The following CSMD1 variants were observed in gnomAD, a reference collection of about 807,000 sequenced individuals.
CSMD1 encodes CUB and sushi domain-containing protein 1.
A neutral mutation model predicts 417.5 loss-of-function variants in CSMD1; 213 were observed. The observed-to-expected ratio is 0.51, with a 90% CI of 0.46 to 0.57. The LOEUF is 0.57. Ranked by LOEUF, CSMD1 falls within the 20% of genes least tolerant of loss-of-function variation. The pLI is 0.00. For synonymous variants in CSMD1, 2,862 were observed against 1,736.8 expected (o/e 1.65, Z -16.11); for missense variants, 6,923 against 4,529.7 (o/e 1.53, Z -15.17).
chr8:4,900,929 A>T (rs1804828209), intron 1 of CSMD1, among the ~76,000 whole-genome samples: 1 of 152,238 alleles, frequency 6.6e-6, no homozygotes, highest in South Asian at 2.1e-4. Context: ...CTTGCATCCT[A>T]AGTGCCCAGC....
At chr8:4,007,909 A>C (rs1816251930) in intron 4 of CSMD1, among the ~76,000 whole-genome samples, 1 of 152,186 alleles carries the variant, frequency 6.6e-6, no homozygotes, top group African/African-American at 2.4e-5. Flanking sequence ...TGTTAAAAAA[A>C]AGTAGTCTAT....
Position 3,816,363 on chromosome 8 carries a change from G to C in CSMD1, c.819-62321C>G, listed in dbSNP as rs543609587. Among the ~76,000 whole-genome samples, 3 of 152,350 alleles carry C rather than the reference G, an allele frequency of 2.0e-5. No individual in the cohort carries two copies. In the South Asian group the frequency reaches 6.2e-4, roughly 32 times the overall value. On this transcript the variant is annotated intron_variant, in intron 5 of 69. Transcript: ENST00000635120. ...CACTGTCAGAAAATAAGTGAGCACA[G>C]CAGGAAAAGATATTCTGAGAGCAAG...
intron 50 of CSMD1, among the ~76,000 whole-genome samples, chr8:3,045,994 A>C (rs1299837217): frequency 1.3e-5 from 2 of 152,160 alleles, no homozygotes; most frequent in African/African-American, 4.8e-5. Context: ...GCACACAGGG[A>C]CTCACACACG....
At chr8:4,289,065 T>C (rs1181022766) in intron 3 of CSMD1, among the ~76,000 whole-genome samples, 3 of 152,144 alleles carry the variant, frequency 2.0e-5, no homozygotes. Context: ...AGTGCACATA[T>C]GGATGAAAAT....
chr8:3,324,889 T>C (rs866158936), intron 23 of CSMD1, among the ~76,000 whole-genome samples: 2 of 152,208 alleles, frequency 1.3e-5, no homozygotes, highest in African/African-American at 4.8e-5. Context: ...TATGTTTTCA[T>C]GTTCCTCGGT....
chr8:3,915,316 G>C (rs886737697), intron 5 of CSMD1, among the ~76,000 whole-genome samples: 3 of 144,280 alleles, frequency 2.1e-5, no homozygotes, highest in African/African-American at 7.7e-5. Context: ...TAAGGCAGGA[G>C]AATCATTTGA....
At chr8:4,905,819 C>CA (rs147276107) in intron 1 of CSMD1, among the ~76,000 whole-genome samples, 40,112 of 92,518 alleles carry the variant, frequency 0.43, 7,885 homozygotes, top group East Asian at 0.87. Context: ...GACTCCATCT[C>CA]AAAAAAAAAA....
At chr8:4,363,004 A>G (rs565369970) in intron 3 of CSMD1, among the ~76,000 whole-genome samples, 17 of 152,334 alleles carry the variant, frequency 1.1e-4, no homozygotes, top group Non-Finnish European at 1.6e-4. Context: ...CAGTCTTTGA[A>G]TAGATTTTGA....
chr8:2,965,985 GAA>G, intron 58 of CSMD1, 31 bp from the exon 59 acceptor site: 1 of 1,551,570 alleles, frequency 6.4e-7, no homozygotes, highest in Non-Finnish European at 8.8e-7. Flanking sequence ...AAGAATCAGA[GAA>G]ATTCATTTAC....
At chr8:4,195,773 C>T (rs1027846013) in intron 3 of CSMD1, among the ~76,000 whole-genome samples, 1 of 152,112 alleles carries the variant, frequency 6.6e-6, no homozygotes, top group African/African-American at 2.4e-5. Context: ...GTAGTGGATT[C>T]TGCACACAAC....
rs551665781 is a variant in CSMD1 at position 3,149,002 on chromosome 8, C to T, written c.6031+2395G>A. Among the ~76,000 whole-genome samples, 6 of 152,294 alleles carry T rather than the reference C, an allele frequency of 3.9e-5. No individual in the cohort carries two copies. In the South Asian group the frequency reaches 1.2e-3, roughly 32 times the overall value. ...AGTTTCTTTTCTCCTCTTCTAGATC[C>T]TCTTTAAACCCTCAGGCTATGCAAT... On this transcript the variant is annotated intron_variant, in intron 40 of 69. Coordinates refer to ENST00000635120, the MANE Select transcript of CSMD1 (RefSeq NM_033225.6).
chr8:4,864,558 T>C (rs1802314914), intron 1 of CSMD1, among the ~76,000 whole-genome samples: 1 of 151,732 alleles, frequency 6.6e-6, no homozygotes, highest in African/African-American at 2.4e-5. Flanking sequence ...ATCATAATTA[T>C]GTTTTGCCAG....
chr8:4,556,548 C>A (rs1459135061), intron 2 of CSMD1, among the ~76,000 whole-genome samples: 1 of 152,044 alleles, frequency 6.6e-6, no homozygotes, highest in East Asian at 1.9e-4. Flanking sequence ...CTCGGTACAA[C>A]AGAGAAAATA....
chr8:3,212,546 G>A (rs528505084), intron 30 of CSMD1, among the ~76,000 whole-genome samples: 47 of 152,006 alleles, frequency 3.1e-4, no homozygotes, highest in Non-Finnish European at 2.8e-4. Context: ...TAGAGATGGG[G>A]TTTTGTCATG....
chr8:4,965,125 T>G (rs967855464), intron 1 of CSMD1, among the ~76,000 whole-genome samples: 1 of 152,172 alleles, frequency 6.6e-6, no homozygotes, highest in African/African-American at 2.4e-5. Flanking sequence ...GCACATCTGT[T>G]CTGAAGATAC....
At position 3,097,184 on chromosome 8, in the gene CSMD1, C is replaced by G. The variant is rs375671825; in HGVS notation, c.6950-147G>C. ...CCAAATTTAATACCGAATGCAAACA[C>G]AGAGGGAGGGCAACATTGAATAATC... On this transcript the variant is annotated intron_variant, in intron 46 of 69. Transcript: ENST00000635120. 6 of 587,054 alleles carry G rather than the reference C, an allele frequency of 1.0e-5. No individual in the cohort carries two copies. The East Asian group carries it at 1.7e-4, about 17-fold the overall frequency. The allele number at this position is 587,054 out of a possible 1,614,324, so 36.4% of individuals were successfully genotyped here. A position where few individuals can be genotyped will look rare whatever the true frequency, so the allele number is the denominator to read the frequency against.
At chr8:3,735,198 A>G (rs1180937494) in intron 6 of CSMD1, among the ~76,000 whole-genome samples, 1 of 152,184 alleles carries the variant, frequency 6.6e-6, no homozygotes, top group Non-Finnish European at 1.5e-5. Flanking sequence ...GGTAACGGGC[A>G]AGTTGCCCCT....
At chr8:3,965,117 A>T (rs1197921044) in intron 5 of CSMD1, among the ~76,000 whole-genome samples, 1 of 152,180 alleles carries the variant, frequency 6.6e-6, no homozygotes, top group Non-Finnish European at 1.5e-5. Context: ...TCAGGCTATT[A>T]TTATTGTAAT....
intron 1 of CSMD1, among the ~76,000 whole-genome samples, chr8:4,676,883 TAGAG>T (rs971971207): frequency 5.3e-5 from 8 of 150,098 alleles, no homozygotes; most frequent in African/African-American, 2.0e-4. Context: ...ATTTTATATA[TAGAG>T]AGAGATTTTA....
Sources: allele counts gnomAD v4.1 joint callset (sites outside exome capture counted in the v4.1 genomes callset), GRCh38; gene constraint gnomAD v4.1.1; transcripts MANE v1.5; gene names NCBI Gene and HGNC (gene_info 2026-07-23, HGNC 2026-07-21).